ATRNL1: variants seen among roughly 807,000 people sequenced by gnomAD.
ATRNL1 encodes the protein attractin-like protein 1.
A neutral mutation model predicts 182.7 loss-of-function variants in ATRNL1; 95 were observed. The observed-to-expected ratio is 0.52, with a 90% CI of 0.44 to 0.62. ATRNL1 has a LOEUF of 0.62. Among genes scored for constraint, ATRNL1 ranks in the 20% least tolerant of loss-of-function variants. The pLI, the probability that ATRNL1 is intolerant of heterozygous loss-of-function variation, is 0.00. For missense variants in ATRNL1, 1,471 were observed against 1,679.5 expected (o/e 0.88, Z 2.17); for synonymous variants, 576 against 568.3 (o/e 1.01, Z -0.19).
intron 27 of ATRNL1, among the ~76,000 whole-genome samples, chr10:115,799,473 G>A (rs1162927730): frequency 6.6e-6 from 1 of 152,184 alleles, no homozygotes; most frequent in Non-Finnish European, 1.5e-5. Context: ...GTGGGGGTTA[G>A]TTCCCAGTAT....
intron 5 of ATRNL1, among the ~76,000 whole-genome samples, chr10:115,151,662 G>T (rs1371175091): frequency 6.6e-6 from 1 of 152,166 alleles, no homozygotes; most frequent in African/African-American, 2.4e-5. Flanking sequence ...CTCCCATTCT[G>T]TAGGTTGCGT....
intron 10 of ATRNL1, among the ~76,000 whole-genome samples, chr10:115,242,374 G>A (rs1850459490): frequency 6.6e-6 from 1 of 151,900 alleles, no homozygotes; most frequent in African/African-American, 2.4e-5. Context: ...TTAAGTGAAT[G>A]TATTTATTGA....
chr10:115,398,823 A>T (rs1417985720), intron 20 of ATRNL1, among the ~76,000 whole-genome samples: 2 of 152,082 alleles, frequency 1.3e-5, no homozygotes, highest in Non-Finnish European at 2.9e-5. Context: ...TGCATTCAGT[A>T]TGATGTTGGC....
chr10:115,194,961 AC>A (rs1848304883), intron 8 of ATRNL1, among the ~76,000 whole-genome samples: 1 of 151,978 alleles, frequency 6.6e-6, no homozygotes, highest in Admixed American at 6.6e-5. Flanking sequence ...AAGAAAAAAA[AC>A]AAAACAAATA....
At chr10:115,320,627 T>C (rs1854533341) in intron 18 of ATRNL1, among the ~76,000 whole-genome samples, 1 of 152,214 alleles carries the variant, frequency 6.6e-6, no homozygotes, top group Admixed American at 6.5e-5. Context: ...CTGCATGCCT[T>C]ATTTCAGCAA....
chr10:115,667,035 T>C (rs1263358527), intron 26 of ATRNL1, among the ~76,000 whole-genome samples: 2 of 152,136 alleles, frequency 1.3e-5, no homozygotes, highest in Non-Finnish European at 2.9e-5. Flanking sequence ...GCACAGCTTT[T>C]ATATGAATAT....
intron 18 of ATRNL1, among the ~76,000 whole-genome samples, chr10:115,319,581 A>T (rs1159118519): frequency 6.6e-6 from 1 of 152,146 alleles, no homozygotes; most frequent in African/African-American, 2.4e-5. Context: ...TATTGGGTGC[A>T]TATGTATTTA....
At chr10:115,738,280 T>C (rs2804171) in intron 27 of ATRNL1, among the ~76,000 whole-genome samples, 143,357 of 150,820 alleles carry the variant, frequency 0.95, 68,553 homozygotes, top group East Asian at 1. Flanking sequence ...GCTGGGGTTA[T>C]AGACACCCAC....
chr10:115,850,886 AG>A (rs1555100316), intron 28 of ATRNL1, among the ~76,000 whole-genome samples: 1 of 152,092 alleles, frequency 6.6e-6, no homozygotes, highest in African/African-American at 2.4e-5. Flanking sequence ...GAGGAGGTAG[AG>A]GTGGAGCTTT....
intron 20 of ATRNL1, among the ~76,000 whole-genome samples, chr10:115,407,570 T>TTAATAA (rs1844894711): frequency 6.6e-6 from 1 of 152,186 alleles, no homozygotes; most frequent in Non-Finnish European, 1.5e-5. Flanking sequence ...ATTTCCTTCT[T>TTAATAA]TTTAATGGCT....
At chr10:115,505,059 A>G (rs1354250837) in intron 24 of ATRNL1, among the ~76,000 whole-genome samples, 1 of 152,132 alleles carries the variant, frequency 6.6e-6, no homozygotes, top group African/African-American at 2.4e-5. Flanking sequence ...AAATTTACAT[A>G]ATAAGGTACT....
intron 19 of ATRNL1, among the ~76,000 whole-genome samples, chr10:115,385,167 A>G (rs1858263798): frequency 1.3e-5 from 2 of 152,084 alleles, no homozygotes; most frequent in South Asian, 4.1e-4. Context: ...TATTTCTGTC[A>G]GAAATTTATG....
chr10:115,664,773 T>C (rs906164196), intron 26 of ATRNL1, among the ~76,000 whole-genome samples: 33 of 152,246 alleles, frequency 2.2e-4, no homozygotes, highest in African/African-American at 6.5e-4. Flanking sequence ...ACTCCTAGAA[T>C]TAGAATCCAA....
At chr10:115,354,695 T>G (rs954824963) in intron 19 of ATRNL1, among the ~76,000 whole-genome samples, 4 of 152,130 alleles carry the variant, frequency 2.6e-5, no homozygotes, top group African/African-American at 9.6e-5. Context: ...TTCTTGATGT[T>G]CTTTCACCTT....
intron 9 of ATRNL1, among the ~76,000 whole-genome samples, chr10:115,219,470 A>G (rs1554896924): frequency 6.6e-6 from 1 of 152,170 alleles, no homozygotes; most frequent in Non-Finnish European, 1.5e-5. Flanking sequence ...CCAAGCAGTA[A>G]AACCAGAAAG....
chr10:115,317,214 T>A (rs1854340797), intron 18 of ATRNL1, among the ~76,000 whole-genome samples: 1 of 152,200 alleles, frequency 6.6e-6, no homozygotes, highest in Admixed American at 6.5e-5. Context: ...TTGTTGAAGA[T>A]CAGATGGTTG....
At chr10:115,691,785 G>GT (rs1198523332) in intron 26 of ATRNL1, among the ~76,000 whole-genome samples, 1 of 151,930 alleles carries the variant, frequency 6.6e-6, no homozygotes, top group South Asian at 2.1e-4. Context: ...TAAATTTTGG[G>GT]TTTTTTTCTT....
chr10:115,723,515 G>A (rs782385005), intron 26 of ATRNL1, among the ~76,000 whole-genome samples: 59 of 130,624 alleles, frequency 4.5e-4, no homozygotes, highest in Admixed American at 2.1e-3. Flanking sequence ...AAATTTAAGC[G>A]TAGATATTCT....
chr10:115,923,384 C>G (rs1387075465), intron 28 of ATRNL1, among the ~76,000 whole-genome samples: 1 of 151,948 alleles, frequency 6.6e-6, no homozygotes, highest in Non-Finnish European at 1.5e-5. Context: ...ACCTATTGAC[C>G]CATCTCTAAG....
Sources: gnomAD v4.1 joint callset for allele counts (sites outside exome capture counted in the v4.1 genomes callset) on GRCh38, gnomAD v4.1.1 for gene constraint, MANE v1.5 for transcripts, NCBI Gene and HGNC (gene_info 2026-07-23, HGNC 2026-07-21) for gene names.